AFF3: variants seen among roughly 807,000 people sequenced by gnomAD.
AFF3 encodes the protein ALF transcription elongation factor 3, also known as AF4/FMR2 family member 3.
Under a neutral mutation model 129.7 loss-of-function variants are expected in AFF3, and 32 were observed. That is an observed-to-expected ratio of 0.25 (90% confidence interval 0.19 to 0.33). AFF3 has a LOEUF of 0.33. Among genes scored for constraint, AFF3 ranks in the 10% least tolerant of loss-of-function variants. The probability of loss-of-function intolerance (pLI) is 1.00; values close to 1 mark genes in which losing one functional copy is unlikely to be tolerated. For missense variants in AFF3, 1,373 were observed against 1,592.0 expected (o/e 0.86, Z 2.34); for synonymous variants, 644 against 635.4 (o/e 1.01, Z -0.20).
At chr2:99,641,901 A>G (rs184261495) in intron 13 of AFF3, among the ~76,000 whole-genome samples, 19 of 152,214 alleles carry the variant, frequency 1.2e-4, no homozygotes, top group Non-Finnish European at 2.2e-4. Flanking sequence ...TATACTCAGT[A>G]TTTATGCACA....
rs571820694 is a variant in AFF3 at position 99,861,741 on chromosome 2, C to T, written c.874-24217G>A. Among the ~76,000 whole-genome samples, 3 of 152,270 alleles carry T rather than the reference C, an allele frequency of 2.0e-5. No homozygotes were observed. In the South Asian group the frequency reaches 6.2e-4, roughly 32 times the overall value. ...TAAAATAAATATTTGTGTACCCAAA[C>T]AGCGTAAGGTACAAAGTTATAACAA... On this transcript the variant is annotated intron_variant, in intron 7 of 24. Transcript: ENST00000672756.
At chr2:99,917,362 A>G (rs1384687702) in intron 7 of AFF3, among the ~76,000 whole-genome samples, 1 of 152,146 alleles carries the variant, frequency 6.6e-6, no homozygotes, top group African/African-American at 2.4e-5. Flanking sequence ...TGGTTCCTAC[A>G]GTGGACTTCC....
intron 13 of AFF3, among the ~76,000 whole-genome samples, chr2:99,623,314 C>T (rs1682226196): frequency 6.6e-6 from 1 of 152,098 alleles, no homozygotes; most frequent in Admixed American, 6.5e-5. Context: ...AAGTGCCATC[C>T]TAGGCGCTCA....
In AFF3 at chr2:100,005,788, G is replaced by T. The variant is rs80330706; in HGVS notation, c.873+844C>A. Among the ~76,000 whole-genome samples, 439 of 152,256 alleles carry T rather than the reference G, an allele frequency of 2.9e-3. 17 individuals are homozygous for T. The East Asian group carries it at 0.079, about 27-fold the overall frequency. On this transcript the variant is annotated intron_variant, in intron 7 of 24. Transcript: ENST00000672756. ...TTCAGAAATGTTTAAGCTCAGCCTT[G>T]TCAAAAATGCAACAACAAATGTCAA...
chr2:100,141,028 C>G (rs1275100068), intron 1 of AFF3, among the ~76,000 whole-genome samples: 2 of 152,138 alleles, frequency 1.3e-5, no homozygotes, highest in Non-Finnish European at 2.9e-5. Context: ...CTAATACTTA[C>G]TGAGCCCTTT....
chr2:99,857,965 A>G (rs1690650542), intron 7 of AFF3, among the ~76,000 whole-genome samples: 1 of 152,136 alleles, frequency 6.6e-6, no homozygotes, highest in African/African-American at 2.4e-5. Context: ...CCCACTGTGG[A>G]TGGAATATCC....
intron 7 of AFF3, among the ~76,000 whole-genome samples, chr2:99,966,214 C>T (rs2104378678): frequency 6.6e-6 from 1 of 152,200 alleles, no homozygotes; most frequent in African/African-American, 2.4e-5. Context: ...AGGTAAAAAG[C>T]AACTAAATTA....
chr2:100,088,451 T>C (rs1352400912), intron 4 of AFF3, among the ~76,000 whole-genome samples: 1 of 151,970 alleles, frequency 6.6e-6, no homozygotes, highest in Non-Finnish European at 1.5e-5. Context: ...CAACCTGGGA[T>C]ATAGAAATCT....
intron 7 of AFF3, among the ~76,000 whole-genome samples, chr2:99,925,252 A>AT (rs569695338): frequency 4.5e-4 from 68 of 151,656 alleles, no homozygotes; most frequent in African/African-American, 1.2e-3. Flanking sequence ...ATTATTGTAC[A>AT]TTTTTTTTCC....
intron 13 of AFF3, among the ~76,000 whole-genome samples, chr2:99,606,279 T>C (rs1680322894): frequency 6.6e-6 from 1 of 152,128 alleles, no homozygotes; most frequent in African/African-American, 2.4e-5. Flanking sequence ...ATATATATTA[T>C]AGTGGATTTT....
chr2:99,902,765 A>T (rs1239059744), intron 7 of AFF3, among the ~76,000 whole-genome samples: 1 of 152,214 alleles, frequency 6.6e-6, no homozygotes, highest in African/African-American at 2.4e-5. Context: ...AAGAAAAAAC[A>T]GTAAGATGTG....
In AFF3 at chr2:99,782,731, G is replaced by A. The variant is rs565889138; in HGVS notation, c.922-30430C>T. Among the ~76,000 whole-genome samples the A allele has an allele frequency of 3.5e-4, 54 of 152,344 alleles. No individual in the cohort carries two copies. The South Asian group carries it at 4.3e-3, about 12-fold the overall frequency. Reference sequence around the variant, plus strand: ...CCATCTCAACACACGTACAAATGCAGTGTTCATGGCAAACTCAGAGACAAG... The same window carrying A: ...CCATCTCAACACACGTACAAATGCAATGTTCATGGCAAACTCAGAGACAAG... On this transcript the variant is annotated intron_variant, in intron 8 of 24. Transcript: ENST00000672756.
chr2:99,898,367 G>A (rs1694117546), intron 7 of AFF3, among the ~76,000 whole-genome samples: 1 of 152,160 alleles, frequency 6.6e-6, no homozygotes, highest in Non-Finnish European at 1.5e-5. Flanking sequence ...CAAGGACACT[G>A]AGGCACCGAG....
chr2:99,834,241 C>T (rs1213487374), intron 8 of AFF3, among the ~76,000 whole-genome samples: 1 of 152,174 alleles, frequency 6.6e-6, no homozygotes, highest in Non-Finnish European at 1.5e-5. Context: ...AAGGCGTCTT[C>T]ATTAGAATCC....
rs1692154288 is a variant in AFF3 at position 100,125,685 on chromosome 2, G to C, written c.-145+3539C>G. 1.3e-5 allele frequency among the ~76,000 whole-genome samples: 2 copies of C among 152,120 alleles called. 1 individual carries two copies. The highest frequency in any genetic ancestry group is 4.1e-4 in the South Asian group (2 of 4,820). On this transcript the variant is annotated intron_variant, in intron 2 of 24. Coordinates refer to ENST00000672756, the MANE Select transcript of AFF3 (RefSeq NM_001386135.1). ...TGGAAGAATGAGGCATGCTGTAAAGGGGGTGGTCACCTTGGGGAGGGGAAT... is the reference window on the plus strand; with the variant it reads ...TGGAAGAATGAGGCATGCTGTAAAGCGGGTGGTCACCTTGGGGAGGGGAAT...
At chr2:99,633,134 G>A (rs1683281604) in intron 13 of AFF3, among the ~76,000 whole-genome samples, 1 of 152,122 alleles carries the variant, frequency 6.6e-6, no homozygotes, top group African/African-American at 2.4e-5. Flanking sequence ...AGTGCTGAGA[G>A]GCGGACGGGT....
At chr2:99,931,945 G>T (rs1197265213) in intron 7 of AFF3, among the ~76,000 whole-genome samples, 1 of 152,182 alleles carries the variant, frequency 6.6e-6, no homozygotes, top group Non-Finnish European at 1.5e-5. Context: ...ACAAGTGAAA[G>T]TAATCTGCAT....
chr2:99,674,583 C>G (rs1360262249), intron 11 of AFF3, among the ~76,000 whole-genome samples: 1 of 152,174 alleles, frequency 6.6e-6, no homozygotes, highest in African/African-American at 2.4e-5. Flanking sequence ...GACTGCCCAG[C>G]AAGCACTGGG....
At chr2:99,962,144 C>T (rs13383014) in intron 7 of AFF3, among the ~76,000 whole-genome samples, 28,564 of 152,112 alleles carry the variant, frequency 0.19, 3,492 homozygotes, top group African/African-American at 0.34. Context: ...ACATACTCCA[C>T]TGCTCCACAT....
Sources: gnomAD v4.1 joint callset for allele counts (sites outside exome capture counted in the v4.1 genomes callset) on GRCh38, gnomAD v4.1.1 for gene constraint, MANE v1.5 for transcripts, NCBI Gene and HGNC (gene_info 2026-07-23, HGNC 2026-07-21) for gene names.